Variants in GADL1 observed in about 807,000 individuals in gnomAD.
GADL1 encodes the protein GAD like acidic amino acid decarboxylase 1.
Under a neutral mutation model 69.5 loss-of-function variants are expected in GADL1, and 71 were observed. The observed-to-expected ratio is 1.02, with a 90% CI of 0.84 to 1.25. GADL1 has a LOEUF of 1.25. GADL1 is among the 50% of genes most tolerant of loss of function. The pLI, the probability that GADL1 is intolerant of heterozygous loss-of-function variation, is 0.00. For synonymous variants in GADL1, 254 were observed against 214.4 expected (o/e 1.18, Z -1.62); for missense variants, 737 against 631.8 (o/e 1.17, Z -1.79).
intron 14 of GADL1, among the ~76,000 whole-genome samples, chr3:30,768,639 A>AG (rs1284880791): frequency 6.6e-6 from 1 of 152,100 alleles, no homozygotes; most frequent in African/African-American, 2.4e-5. Context: ...GGCACAAAGA[A>AG]GCCTCAAAGG....
intron 14 of GADL1, among the ~76,000 whole-genome samples, chr3:30,753,648 C>T (rs539081637): frequency 7.9e-5 from 12 of 152,060 alleles, no homozygotes; most frequent in African/African-American, 1.7e-4. Flanking sequence ...TGTTTACTTG[C>T]GGGATGTGGC....
chr3:30,834,632 A>C (rs1276564506), intron 9 of GADL1, among the ~76,000 whole-genome samples: 2 of 152,108 alleles, frequency 1.3e-5, no homozygotes, highest in African/African-American at 4.8e-5. Flanking sequence ...ACATTTTGCT[A>C]TTCAGTGTAT....
chr3:30,742,723 T>G (rs1695645301), intron 14 of GADL1, among the ~76,000 whole-genome samples: 1 of 152,108 alleles, frequency 6.6e-6, no homozygotes, highest in Admixed American at 6.6e-5. Flanking sequence ...TTAATATATA[T>G]AGTTCTAAAT....
At chr3:30,728,482 A>G (rs879108933) in intron 14 of GADL1, 67 bp from the exon 15 acceptor site, 1 of 1,335,430 alleles carries the variant, frequency 7.5e-7, no homozygotes, top group South Asian at 1.2e-5. Context: ...TAGCATTTTC[A>G]CCAGCCATTG....
chr3:30,748,817 T>C (rs1232892244), intron 14 of GADL1, among the ~76,000 whole-genome samples: 1 of 152,202 alleles, frequency 6.6e-6, no homozygotes, highest in African/African-American at 2.4e-5. Context: ...TTTGAATTCT[T>C]CTATATAAAA....
intron 1 of GADL1, among the ~76,000 whole-genome samples, chr3:30,886,875 C>A (rs984264395): frequency 6.6e-6 from 1 of 152,120 alleles, no homozygotes; most frequent in Non-Finnish European, 1.5e-5. Context: ...GCTTCGGTCA[C>A]AAATGCAGTC....
At chr3:30,793,451 GAAAC>G (rs1696963978) in intron 12 of GADL1, among the ~76,000 whole-genome samples, 1 of 152,056 alleles carries the variant, frequency 6.6e-6, no homozygotes, top group Non-Finnish European at 1.5e-5. Flanking sequence ...ACATAATGCA[GAAAC>G]CATAAACTAC....
intron 14 of GADL1, among the ~76,000 whole-genome samples, chr3:30,752,187 TTC>T (rs1033374214): frequency 3.9e-5 from 6 of 152,192 alleles, no homozygotes; most frequent in South Asian, 2.1e-4. Flanking sequence ...TGCTGTTAAG[TTC>T]TCTCAGGTAA....
At chr3:30,777,259 AAAC>A (rs1020276803) in intron 14 of GADL1, among the ~76,000 whole-genome samples, 2 of 152,094 alleles carry the variant, frequency 1.3e-5, no homozygotes, top group African/African-American at 2.4e-5. Flanking sequence ...TTTAAAAAAA[AAAC>A]GTTTTCCCCC....
In GADL1 at chr3:30,777,544, A is replaced by C. The variant is rs1208137365; in HGVS notation, c.1392+635T>G. Among the ~76,000 whole-genome samples, 6 of 152,202 alleles carry C rather than the reference A, an allele frequency of 3.9e-5. No individual in the cohort carries two copies. In the East Asian group the frequency reaches 1.2e-3, roughly 29 times the overall value. On this transcript the variant is annotated intron_variant, in intron 14 of 14. Transcript: ENST00000282538. ...TCCATAGTGCTTGGAAATCTGGATT[A>C]GAGGCAGGATTATAACTGGCAGGGC...
chr3:30,833,225 T>C (rs1030755077), intron 11 of GADL1, among the ~76,000 whole-genome samples: 2 of 151,998 alleles, frequency 1.3e-5, no homozygotes, highest in Non-Finnish European at 2.9e-5. Context: ...ATTTAACCCA[T>C]GGAAAACACA....
chr3:30,820,080 T>A, intron 11 of GADL1, among the ~76,000 whole-genome samples: 1 of 151,882 alleles, frequency 6.6e-6, no homozygotes, highest in East Asian at 1.9e-4. Context: ...AAAGAATAGA[T>A]CTATATTATG....
At chr3:30,818,981 C>G (rs905108380) in intron 11 of GADL1, among the ~76,000 whole-genome samples, 1 of 152,078 alleles carries the variant, frequency 6.6e-6, no homozygotes, top group Admixed American at 6.6e-5. Context: ...GGATGATCCT[C>G]CATACCAGCC....
intron 11 of GADL1, among the ~76,000 whole-genome samples, chr3:30,830,306 A>G (rs1697766854): frequency 1.3e-5 from 2 of 151,856 alleles, no homozygotes; most frequent in Non-Finnish European, 2.9e-5. Context: ...AGAAAAATAT[A>G]GTTTTCCCTG....
At chr3:30,838,976 T>G in intron 9 of GADL1, 21 bp downstream of exon 9, 1 of 1,427,874 alleles carries the variant, frequency 7.0e-7, no homozygotes. Context: ...TAAACAGGTA[T>G]GTACACATAA....
intron 14 of GADL1, among the ~76,000 whole-genome samples, chr3:30,745,479 T>C (rs1237625690): frequency 6.6e-6 from 1 of 152,232 alleles, no homozygotes; most frequent in East Asian, 1.9e-4. Context: ...TGAAATTCTT[T>C]CCTGCATGGA....
At position 30,808,535 on chromosome 3, in the gene GADL1, A is replaced by T. The variant is rs372385455; in HGVS notation, c.1051-7447T>A. 9.2e-5 allele frequency among the ~76,000 whole-genome samples: 14 copies of T among 151,750 alleles called. No individual in the cohort carries two copies. In the East Asian group the frequency reaches 9.7e-4, roughly 10 times the overall value. On this transcript the variant is annotated intron_variant, in intron 11 of 14. Transcript: ENST00000282538. ...AATGAGGATATCATTCAAATGTGAG[A>T]TTTCAAGTGCTAAAGTATAGGTCAA... is the stretch of plus-strand genomic sequence containing the variant.
chr3:30,772,327 A>G (rs911488166), intron 14 of GADL1, among the ~76,000 whole-genome samples: 1 of 152,332 alleles, frequency 6.6e-6, no homozygotes, highest in Middle Eastern at 3.4e-3. Flanking sequence ...TACTTTTAAG[A>G]ACGTAAATTG....
At chr3:30,790,785 G>C (rs565875392) in intron 12 of GADL1, among the ~76,000 whole-genome samples, 44 of 152,134 alleles carry the variant, frequency 2.9e-4, no homozygotes, top group African/African-American at 1.0e-3. Context: ...TCTGTACTGT[G>C]GGTATATAGG....
Sources: gnomAD v4.1 joint callset for allele counts (sites outside exome capture counted in the v4.1 genomes callset) on GRCh38, gnomAD v4.1.1 for gene constraint, MANE v1.5 for transcripts, NCBI Gene and HGNC (gene_info 2026-07-23, HGNC 2026-07-21) for gene names.